The following TUBGCP3 variants were observed in gnomAD, a reference collection of about 807,000 sequenced individuals.
TUBGCP3 encodes tubulin gamma complex component 3.
TUBGCP3 carries 50 observed loss-of-function variants against 123.1 expected under a neutral mutation model. The ratio of observed to expected loss-of-function variants is 0.41; its 90% confidence interval spans 0.32 to 0.51. The LOEUF (loss-of-function observed/expected upper bound fraction) is 0.51, where lower values mean the gene tolerates loss of function less well. TUBGCP3 is among the 20% of genes least tolerant of loss of function. TUBGCP3 has a pLI of 0.36. For missense variants in TUBGCP3, 882 were observed against 1,127.0 expected, an observed-to-expected ratio of 0.78 and a Z score of 3.11; for synonymous variants, 405 against 413.9, an observed-to-expected ratio of 0.98 and a Z score of 0.26.
chr13:112,542,342 C>T (rs988683274), intron 11 of TUBGCP3, among the ~76,000 whole-genome samples: 6 of 152,142 alleles, frequency 3.9e-5, no homozygotes, highest in Non-Finnish European at 7.4e-5. Context: ...CAAAACTCAC[C>T]TCATCCTGTA....
intron 1 of TUBGCP3, among the ~76,000 whole-genome samples, chr13:112,583,620 A>C: frequency 6.6e-6 from 1 of 152,250 alleles, no homozygotes; most frequent in East Asian, 1.9e-4. Flanking sequence ...CAAGATGCAC[A>C]AAAATAAATT....
chr13:112,490,040 C>T (rs183101508), intron 20 of TUBGCP3, among the ~76,000 whole-genome samples: 2 of 152,190 alleles, frequency 1.3e-5, no homozygotes, highest in East Asian at 3.9e-4. Context: ...TTTTATATAA[C>T]AAAGACAGTA....
chr13:112,556,327 T>G, intron 5 of TUBGCP3, 103 bp from the exon 6 acceptor site: 2 of 1,128,694 alleles, frequency 1.8e-6, no homozygotes, highest in Admixed American at 2.3e-5. Context: ...TTACATAAAT[T>G]TATAAATCTG....
rs941865963 is a variant in TUBGCP3 at position 112,520,156 on chromosome 13, G to A, written c.1746-135C>T. 10 of 718,462 alleles carry A rather than the reference G, an allele frequency of 1.4e-5. No homozygotes were observed. In the South Asian group the frequency reaches 1.5e-4, roughly 11 times the overall value. The allele number at this position is 718,462 out of a possible 1,614,324, so 44.5% of individuals were successfully genotyped here. A position where few individuals can be genotyped will look rare whatever the true frequency, so the allele number is the denominator to read the frequency against. On this transcript the variant is annotated intron_variant, in intron 14 of 21. Transcript: ENST00000261965. Reference sequence around the variant, plus strand: ...ACAAATGGGACCAATACAATAATGCGGCAACAAAAGCTTCAGAGCATTAAC... The same window carrying A: ...ACAAATGGGACCAATACAATAATGCAGCAACAAAAGCTTCAGAGCATTAAC...
At chr13:112,569,525 A>G (rs1265427920) in intron 1 of TUBGCP3, among the ~76,000 whole-genome samples, 1 of 152,228 alleles carries the variant, frequency 6.6e-6, no homozygotes, top group African/African-American at 2.4e-5. Context: ...CTCAGTAATC[A>G]CGAAAAGAAA....
chr13:112,552,239 T>C (rs1045002958), intron 8 of TUBGCP3, among the ~76,000 whole-genome samples: 48 of 152,274 alleles, frequency 3.2e-4, no homozygotes, highest in Non-Finnish European at 6.2e-4. Context: ...TTAGTTATCC[T>C]GTATTGATTT....
intron 8 of TUBGCP3, among the ~76,000 whole-genome samples, chr13:112,550,274 TTTTC>T (rs1879452642): frequency 1.3e-5 from 2 of 152,166 alleles, no homozygotes; most frequent in Non-Finnish European, 2.9e-5. Flanking sequence ...TTTAAACTTG[TTTTC>T]TTTAAGTAAA....
intron 10 of TUBGCP3, chr13:112,547,413 C>T (rs1057364493): frequency 5.1e-5 from 41 of 802,332 alleles, no homozygotes; most frequent in African/African-American, 1.6e-4. Context: ...CGAATCAACA[C>T]GGCCATTAAG....
chr13:112,507,088 A>T (rs1383691694), intron 17 of TUBGCP3, among the ~76,000 whole-genome samples: 1 of 152,208 alleles, frequency 6.6e-6, no homozygotes, highest in Admixed American at 6.5e-5. Context: ...CAGTGCAGCA[A>T]AGTTATATGA....
At chr13:112,517,952 C>T (rs763763970) in intron 16 of TUBGCP3, among the ~76,000 whole-genome samples, 31 of 151,986 alleles carry the variant, frequency 2.0e-4, no homozygotes, top group Admixed American at 5.9e-4. Context: ...TGCATTGTAA[C>T]TATTTTAAAT....
intron 1 of TUBGCP3, 109 bp from the exon 2 acceptor site, chr13:112,569,368 T>TC (rs2139276502): frequency 1.1e-6 from 1 of 870,002 alleles, no homozygotes; most frequent in Admixed American, 2.4e-5. Context: ...ATCTTCCACC[T>TC]CCCCAAGGTC....
chr13:112,587,634 C>A (rs1256672602), intron 1 of TUBGCP3, among the ~76,000 whole-genome samples: 3 of 152,306 alleles, frequency 2.0e-5, no homozygotes, highest in Non-Finnish European at 4.4e-5. Context: ...CCTCCCGCCT[C>A]CCGCCCCGGC....
chr13:112,555,950 T>A, intron 6 of TUBGCP3, 102 bp downstream of exon 6: 1 of 1,316,290 alleles, frequency 7.6e-7, no homozygotes, highest in Admixed American at 2.3e-5. Flanking sequence ...AAGAAACCAC[T>A]AAAAGGTTTG....
chr13:112,500,691 G>A (rs1431777759), intron 19 of TUBGCP3, among the ~76,000 whole-genome samples: 2 of 152,172 alleles, frequency 1.3e-5, no homozygotes, highest in African/African-American at 2.4e-5. Flanking sequence ...CTGTGGTTGG[G>A]AAGACACAAT....
intron 17 of TUBGCP3, among the ~76,000 whole-genome samples, chr13:112,513,909 T>C (rs1001168845): frequency 6.6e-6 from 1 of 152,176 alleles, no homozygotes; most frequent in African/African-American, 2.4e-5. Context: ...AAGTTTTCAA[T>C]TGAGCACCGT....
chr13:112,554,784 C>T (rs1879886059), intron 7 of TUBGCP3, 103 bp downstream of exon 7: 2 of 772,752 alleles, frequency 2.6e-6, no homozygotes, highest in Non-Finnish European at 4.2e-6. Context: ...ACAACCGATT[C>T]GCAAAACCCC....
intron 1 of TUBGCP3, among the ~76,000 whole-genome samples, chr13:112,573,570 G>T (rs1020086756): frequency 1.3e-5 from 2 of 152,178 alleles, no homozygotes; most frequent in Non-Finnish European, 2.9e-5. Context: ...CTCCCAATCT[G>T]AGGAACTCCC....
chr13:112,575,441 G>C (rs1048274080), intron 1 of TUBGCP3, among the ~76,000 whole-genome samples: 12 of 152,174 alleles, frequency 7.9e-5, no homozygotes, highest in Admixed American at 2.0e-4. Context: ...AAACAGCAGA[G>C]CTGTAAGGCA....
chr13:112,551,101 C>CAA (rs373447891), intron 8 of TUBGCP3, among the ~76,000 whole-genome samples: 20 of 142,660 alleles, frequency 1.4e-4, no homozygotes, highest in African/African-American at 4.6e-4. Context: ...GACTCCGTCT[C>CAA]AAAAAAAAAA....
Sources: gnomAD v4.1 joint callset for allele counts (sites outside exome capture counted in the v4.1 genomes callset) on GRCh38, gnomAD v4.1.1 for gene constraint, MANE v1.5 for transcripts, NCBI Gene and HGNC (gene_info 2026-07-23, HGNC 2026-07-21) for gene names.